Variants in PRKG1 observed in about 807,000 individuals in gnomAD.
PRKG1 encodes the protein protein kinase cGMP-dependent 1.
In PRKG1, 35 loss-of-function variants were observed where a neutral mutation model predicts 88.1. The ratio of observed to expected loss-of-function variants is 0.40; its 90% confidence interval spans 0.30 to 0.53. The LOEUF (loss-of-function observed/expected upper bound fraction) is 0.53. PRKG1 is among the 20% of genes least tolerant of loss of function. The pLI is 0.59. For missense variants in PRKG1, 540 were observed against 839.8 expected (o/e 0.64, Z 4.41); for synonymous variants, 303 against 292.5 (o/e 1.04, Z -0.37).
intron 2 of PRKG1, among the ~76,000 whole-genome samples, chr10:51,369,466 C>T (rs548646468): frequency 6.6e-6 from 1 of 152,160 alleles, no homozygotes; most frequent in South Asian, 2.1e-4. Context: ...GAAACAAACA[C>T]TCAGCCTATA....
At chr10:52,066,064 G>T (rs554363229) in intron 7 of PRKG1, among the ~76,000 whole-genome samples, 1 of 152,032 alleles carries the variant, frequency 6.6e-6, no homozygotes, top group South Asian at 2.1e-4. Context: ...TCACTTTCTC[G>T]CTATGGAACC....
At chr10:51,604,672 G>A (rs1838708807) in intron 3 of PRKG1, among the ~76,000 whole-genome samples, 1 of 152,178 alleles carries the variant, frequency 6.6e-6, no homozygotes, top group African/African-American at 2.4e-5. Flanking sequence ...CAATCACAAG[G>A]CATGTGACAG....
intron 9 of PRKG1, among the ~76,000 whole-genome samples, chr10:52,243,041 A>G (rs1875792): frequency 0.51 from 77,479 of 152,048 alleles, 21,798 homozygotes; most frequent in East Asian, 0.79. Context: ...GACAATGGGT[A>G]GTATATTCTC....
chr10:52,150,442 G>A (rs1286633963), intron 8 of PRKG1, among the ~76,000 whole-genome samples: 1 of 151,976 alleles, frequency 6.6e-6, no homozygotes, highest in Non-Finnish European at 1.5e-5. Flanking sequence ...GTAAAACAGG[G>A]AACATCCATG....
intron 2 of PRKG1, chr10:51,302,561 T>TTC (rs1840919952): frequency 6.6e-6 from 1 of 151,638 alleles, no homozygotes; most frequent in Non-Finnish European, 1.5e-5. Context: ...CATCACTTTT[T>TTC]TTTTTTTTTA....
At chr10:52,174,892 A>G (rs1317813887) in intron 9 of PRKG1, among the ~76,000 whole-genome samples, 1 of 152,010 alleles carries the variant, frequency 6.6e-6, no homozygotes, top group Non-Finnish European at 1.5e-5. Flanking sequence ...ATAACTGTTC[A>G]TATGTACGGG....
At chr10:52,082,851 T>G (rs1846814544) in intron 7 of PRKG1, among the ~76,000 whole-genome samples, 1 of 152,164 alleles carries the variant, frequency 6.6e-6, no homozygotes, top group African/African-American at 2.4e-5. Flanking sequence ...TTCAGTAGGT[T>G]TGTGTTTTAA....
chr10:51,983,926 T>A (rs965158556), intron 5 of PRKG1, among the ~76,000 whole-genome samples: 18 of 152,344 alleles, frequency 1.2e-4, no homozygotes, highest in African/African-American at 4.3e-4. Context: ...AGCTACTGTG[T>A]CAAATGCAGT....
intron 9 of PRKG1, among the ~76,000 whole-genome samples, chr10:52,243,454 T>A (rs749062714): frequency 2.6e-5 from 4 of 152,258 alleles, no homozygotes; most frequent in Non-Finnish European, 4.4e-5. Context: ...AAAAAAGCAA[T>A]GTGGAGGTTA....
At chr10:51,728,579 GA>G (rs5784885) in intron 3 of PRKG1, among the ~76,000 whole-genome samples, 151,753 of 151,754 alleles carry the variant, frequency 1, 75,876 homozygotes, top group Non-Finnish European at 1. Flanking sequence ...ACTTATCTCA[GA>G]AGGGTTGTTA....
At chr10:51,822,649 T>C (rs1277843636) in intron 4 of PRKG1, among the ~76,000 whole-genome samples, 2 of 152,154 alleles carry the variant, frequency 1.3e-5, no homozygotes, top group African/African-American at 4.8e-5. Flanking sequence ...GTTTCTCCTG[T>C]TCAGTTCTGG....
intron 3 of PRKG1, among the ~76,000 whole-genome samples, chr10:51,803,638 T>C (rs946037226): frequency 6.6e-6 from 1 of 152,178 alleles, no homozygotes; most frequent in Admixed American, 6.6e-5. Context: ...TCTTTCTATG[T>C]TTGGCTCAAT....
chr10:51,095,395 A>G (rs1844503199), intron 1 of PRKG1, among the ~76,000 whole-genome samples: 1 of 152,100 alleles, frequency 6.6e-6, no homozygotes, highest in African/African-American at 2.4e-5. Context: ...AACGCTGGTA[A>G]TGCACACTTA....
At chr10:52,199,584 G>A (rs534089134) in intron 9 of PRKG1, among the ~76,000 whole-genome samples, 11 of 152,146 alleles carry the variant, frequency 7.2e-5, no homozygotes, top group Middle Eastern at 3.4e-3. Context: ...GAGACCTAAC[G>A]CTTCCATAAA....
At chr10:52,279,764 C>G (rs1841959195) in intron 12 of PRKG1, among the ~76,000 whole-genome samples, 1 of 152,016 alleles carries the variant, frequency 6.6e-6, no homozygotes, top group Non-Finnish European at 1.5e-5. Context: ...CACTTGTGTG[C>G]TTGTCACTCA....
In PRKG1 at chr10:52,022,433, T is replaced by A. The variant is rs1381846118; in HGVS notation, c.763-32051T>A. 5.3e-5 allele frequency among the ~76,000 whole-genome samples: 8 copies of A among 152,360 alleles called. No homozygotes were observed. In the East Asian group the frequency reaches 1.5e-3, roughly 29 times the overall value. On this transcript the variant is annotated intron_variant, in intron 5 of 17. Transcript: ENST00000373980. ...AGTGTTGCAGATTTGGTACTCTAAT[T>A]TCTGATGAAATTTATATTACTTAAA... is the stretch of plus-strand genomic sequence containing the variant.
chr10:51,851,791 A>AC (rs1290268006), intron 4 of PRKG1, among the ~76,000 whole-genome samples: 1 of 152,156 alleles, frequency 6.6e-6, no homozygotes, highest in African/African-American at 2.4e-5. Context: ...TGTTCTGGAC[A>AC]CTCACGTACA....
rs532740737 is a variant in PRKG1 at position 51,849,871 on chromosome 10, GT to G, written c.698+45188del. ...GCCTTAAGCATACAGAATTTTAGTAGTTTTTTTAAAAAAGATCAAGGACACA... is the reference window on the plus strand; with the variant it reads ...GCCTTAAGCATACAGAATTTTAGTAGTTTTTTAAAAAAGATCAAGGACACA... On this transcript the variant is annotated intron_variant, in intron 4 of 17. Transcript: ENST00000373980. Among the ~76,000 whole-genome samples, 1,308 of 152,148 alleles carry G rather than the reference GT, an allele frequency of 8.6e-3. 23 individuals carry two copies. Among genetic ancestry groups the G allele is most frequent in the African/African-American group, 0.03 (1,247 of 41,516 alleles).
chr10:51,553,315 A>G (rs1294770806), intron 3 of PRKG1, among the ~76,000 whole-genome samples: 2 of 151,840 alleles, frequency 1.3e-5, no homozygotes, highest in East Asian at 3.9e-4. Flanking sequence ...AAGCAGTGCG[A>G]TGAATACTTC....
Sources: gnomAD v4.1 joint callset for allele counts (sites outside exome capture counted in the v4.1 genomes callset) on GRCh38, gnomAD v4.1.1 for gene constraint, MANE v1.5 for transcripts, NCBI Gene and HGNC (gene_info 2026-07-23, HGNC 2026-07-21) for gene names.